The following FAS variants were observed in gnomAD, a reference collection of about 807,000 sequenced individuals.
FAS encodes the protein tumor necrosis factor receptor superfamily member 6.
A neutral mutation model predicts 33.2 loss-of-function variants in FAS; 5 were observed. That is an observed-to-expected ratio of 0.15 (90% CI 0.08 to 0.32). FAS has a LOEUF of 0.32. Among genes scored for constraint, FAS ranks in the 10% least tolerant of loss-of-function variants. The probability of loss-of-function intolerance (pLI) is 1.00; values close to 1 mark genes in which losing one functional copy is unlikely to be tolerated. For missense variants in FAS, 339 were observed against 386.0 expected (o/e 0.88, Z 1.02); for synonymous variants, 131 against 130.7 (o/e 1.00, Z -0.01).
chr10:89,001,232 C>T (rs1019772445), intron 1 of FAS, among the ~76,000 whole-genome samples: 2 of 149,732 alleles, frequency 1.3e-5, no homozygotes, highest in Non-Finnish European at 3.0e-5. Flanking sequence ...TCTTGCCATG[C>T]TGAGGGCTGT....
chr10:88,969,484 G>A (rs1846384309), intron 1 of FAS, among the ~76,000 whole-genome samples: 1 of 152,168 alleles, frequency 6.6e-6, no homozygotes, highest in South Asian at 2.1e-4. Context: ...TTGTGCAAAG[G>A]AGACTTTCAG....
At chr10:88,971,428 C>T (rs1846444865) in intron 1 of FAS, among the ~76,000 whole-genome samples, 1 of 152,168 alleles carries the variant, frequency 6.6e-6, no homozygotes, top group Middle Eastern at 3.2e-3. Flanking sequence ...TTTGGCAACA[C>T]GGCCCATTTA....
At chr10:88,995,753 G>A (rs994472558) in intron 1 of FAS, among the ~76,000 whole-genome samples, 4 of 152,324 alleles carry the variant, frequency 2.6e-5, no homozygotes, top group Non-Finnish European at 4.4e-5. Flanking sequence ...TGGAACCTGG[G>A]AGGTGGAAGT....
intron 2 of FAS, chr10:88,974,540 CAA>C (rs1846521445): frequency 1.3e-5 from 2 of 152,056 alleles, no homozygotes; most frequent in Admixed American, 1.3e-4. Flanking sequence ...TTAATAGTAA[CAA>C]GGTCTCACTA....
chr10:88,985,376 C>A (rs1457874243), upstream of FAS, among the ~76,000 whole-genome samples: 8 of 152,124 alleles, frequency 5.3e-5, no homozygotes, highest in Non-Finnish European at 1.0e-4. Flanking sequence ...ACTCTTTCTC[C>A]CCATTGTCCT....
intron 1 of FAS, chr10:88,992,549 A>G (rs1490801948): frequency 2.6e-5 from 4 of 152,176 alleles, no homozygotes; most frequent in Non-Finnish European, 5.9e-5. Flanking sequence ...ACACACACAC[A>G]CGCATATGTA....
At chr10:88,988,153 C>A (rs1564666638), upstream of FAS, among the ~76,000 whole-genome samples, 1 of 152,026 alleles carries the variant, frequency 6.6e-6, no homozygotes, top group Non-Finnish European at 1.5e-5. Flanking sequence ...CTCTAGAGAA[C>A]CCTGACTAAA....
intron 1 of FAS, among the ~76,000 whole-genome samples, chr10:89,002,277 A>G (rs1847971493): frequency 6.6e-6 from 1 of 152,166 alleles, no homozygotes; most frequent in South Asian, 2.1e-4. Flanking sequence ...CTTGTTAGCC[A>G]CTCTTAACTG....
Position 88,971,291 on chromosome 10 carries a change from A to G in FAS, n.95-1891A>G, listed in dbSNP as rs151249912. Among the ~76,000 whole-genome samples, 502 of 152,362 alleles carry G rather than the reference A, an allele frequency of 3.3e-3. 4 individuals carry two copies. Among genetic ancestry groups the G allele is most frequent in the African/African-American group, 0.011 (478 of 41,586 alleles). On this transcript the variant is annotated intron_variant and non_coding_transcript_variant, in intron 1 of 3. Coordinates refer to the FAS transcript ENST00000688239. ...ATGTATCTGTTTTTCATCCTCAAAG[A>G]GTTAACTTGATAAAATAAGTACAGC...
At chr10:88,989,256 C>G (rs186907763), upstream of FAS, among the ~76,000 whole-genome samples, 4 of 152,208 alleles carry the variant, frequency 2.6e-5, no homozygotes, top group Admixed American at 2.0e-4. Flanking sequence ...TTGTCCTTTC[C>G]CCTTTTTTTC....
chr10:88,990,540 G>A (rs886047456), upstream of FAS: 1 of 620,990 alleles, frequency 1.6e-6, no homozygotes. The surrounding 1 kb of genome is among the most constrained non-coding windows in gnomAD (Gnocchi z 4.9). Flanking sequence ...CCCTACCCGC[G>A]CGCAGGCCAA....
upstream of FAS, among the ~76,000 whole-genome samples, chr10:88,985,847 C>T (rs1401002304): frequency 6.6e-6 from 1 of 152,222 alleles, no homozygotes; most frequent in African/African-American, 2.4e-5. Flanking sequence ...AGAGAAAGCG[C>T]TGCCATGCCT....
chr10:89,011,077 T>C (rs1848506271), intron 6 of FAS: 5 of 532,042 alleles, frequency 9.4e-6, no homozygotes, highest in Middle Eastern at 5.2e-4. Context: ...AGCAGCAGAA[T>C]TGGCCAAAAA....
Position 89,014,397 on chromosome 10 carries a change from A to G in FAS, c.955A>G (p.Thr319Ala). 2 of 1,613,102 alleles carry G rather than the reference A, an allele frequency of 1.2e-6. No homozygotes were observed. The highest frequency in any genetic ancestry group is 8.5e-7 in the Non-Finnish European group (1 of 1,179,932). Residue 319 changes from threonine (T) to alanine (A), a missense_variant, in exon 9 of 9, where the codon ACT becomes GCT. Coordinates refer to ENST00000652046, the MANE Select transcript of FAS (RefSeq NM_000043.6). Reference protein sequence around the residue: ...KIQTIILKDITSDSENSNFRN... With the variant: ...KIQTIILKDIASDSENSNFRN... ...TCAGACTATCATCCTCAAGGACATT[A>G]CTAGTGACTCAGAAAATTCAAACTT...
Position 88,990,924 on chromosome 10 carries a change from C to T in FAS, c.30+18C>T. 6.2e-7 allele frequency: 1 copy of T among 1,614,174 alleles called. No homozygotes were observed. On this transcript the variant is annotated intron_variant, in intron 1 of 8. Coordinates refer to ENST00000652046, the MANE Select transcript of FAS (RefSeq NM_000043.6). The surrounding 1 kb of genome is among the most constrained non-coding windows in gnomAD (Gnocchi z 4.9). ...TACCTCTGGTGAGCCCTCTCCTGCC[C>T]GGGTGGAGGCTTACCCCGTCTTAGT...
At chr10:88,974,939 C>T (rs1191647655) in intron 2 of FAS, 1 of 152,118 alleles carries the variant, frequency 6.6e-6, no homozygotes, top group Non-Finnish European at 1.5e-5. Flanking sequence ...TGGCTTGTGA[C>T]TCTGGGCCAT....
intron 1 of FAS, among the ~76,000 whole-genome samples, chr10:88,970,878 T>G (rs1846427693): frequency 1.0e-5 from 1 of 100,334 alleles, no homozygotes; most frequent in Non-Finnish European, 2.2e-5. Context: ...TAAAAAAGTG[T>G]GTGTGTGTGT....
upstream of FAS, among the ~76,000 whole-genome samples, chr10:88,982,198 T>C (rs7069841): frequency 0.55 from 83,631 of 152,036 alleles, 24,544 homozygotes; most frequent in African/African-American, 0.77. Context: ...TCACCTATAT[T>C]GTGCACACAA....
chr10:88,988,415 AG>A (rs1846974422), upstream of FAS, among the ~76,000 whole-genome samples: 6 of 26,616 alleles, frequency 2.3e-4, no homozygotes, highest in South Asian at 1.4e-3. Context: ...AAGATGTAGA[AG>A]TTTTTTTTTT....
Sources: gnomAD v4.1 joint callset for allele counts (sites outside exome capture counted in the v4.1 genomes callset) on GRCh38, gnomAD v4.1.1 for gene constraint, Gnocchi (gnomAD v3.1) non-coding constraint, MANE v1.5 for transcripts, NCBI Gene and HGNC (gene_info 2026-07-23, HGNC 2026-07-21) for gene names.